AGAP1: variants seen among roughly 807,000 people sequenced by gnomAD.
The protein encoded by AGAP1 is arf-GAP with GTPase, ANK repeat and PH domain-containing protein 1.
In AGAP1, 29 loss-of-function variants were observed where a neutral mutation model predicts 105.3. The observed-to-expected ratio is 0.28, with a 90% CI of 0.21 to 0.38. The LOEUF (loss-of-function observed/expected upper bound fraction) is 0.38, where lower values mean the gene tolerates loss of function less well. Among genes scored for constraint, AGAP1 ranks in the 10% least tolerant of loss-of-function variants. AGAP1 has a pLI of 1.00. For synonymous variants in AGAP1, 509 were observed against 485.9 expected, an observed-to-expected ratio of 1.05 and a Z score of -0.63; for missense variants, 998 against 1,165.1, an observed-to-expected ratio of 0.86 and a Z score of 2.09.
chr2:235,898,481 CA>C (rs200656754), intron 10 of AGAP1, among the ~76,000 whole-genome samples: 2,923 of 107,502 alleles, frequency 0.027, 83 homozygotes, highest in African/African-American at 0.084. Flanking sequence ...TTCCCCCCCC[CA>C]CCCCCACCCC....
rs777579400 is a variant in AGAP1 at position 235,882,794 on chromosome 2, AGTTT to A, written c.1051-547_1051-544del. Among the ~76,000 whole-genome samples the A allele has an allele frequency of 4.0e-4, 61 of 151,364 alleles. 1 individual carries two copies. The Middle Eastern group carries it at 0.017, about 43-fold the overall frequency. On this transcript the variant is annotated intron_variant, in intron 9 of 17. Transcript: ENST00000304032. The surrounding 1 kb of genome is among the most constrained non-coding windows in gnomAD (Gnocchi z 4.6). ...CCGGCCTGGTTAATGCAGTTTTTTT[AGTTT>A]GTTCTTTCTTTTTCTCTTTGTCTCT...
chr2:236,054,941 C>T (rs2058011216), intron 16 of AGAP1, among the ~76,000 whole-genome samples: 1 of 152,172 alleles, frequency 6.6e-6, no homozygotes, highest in Non-Finnish European at 1.5e-5. Context: ...AAATTAAAGG[C>T]CACCCCTGTG....
rs1483881185 is a variant in AGAP1, at chr2:236,129,710, C to T, written c.*5588C>T. On this transcript the variant is annotated 3_prime_UTR_variant, in exon 18 of 18. Coordinates refer to ENST00000304032, the MANE Select transcript of AGAP1 (RefSeq NM_001037131.3). The surrounding 1 kb of genome is among the most constrained non-coding windows in gnomAD (Gnocchi z 6.2). The stretch of plus-strand genomic sequence containing the variant: ...AATAGACTGTTGAAATATTAATGGC[C>T]CCCCCATTTAATCAGTGTGTCTGCG... The T allele has an allele frequency of 6.6e-6, 1 of 152,116 alleles. No individual in the cohort carries two copies. Among genetic ancestry groups the T allele is most frequent in the Non-Finnish European group, 1.5e-5 (1 of 68,034 alleles). 9.4% of individuals were successfully genotyped at this position (152,116 alleles called of 1,614,324 possible). A position where few individuals can be genotyped will look rare whatever the true frequency, so the allele number is the denominator to read the frequency against.
In AGAP1 at chr2:235,611,445, G is replaced by T. The variant is rs1333654457; in HGVS notation, c.164-97734G>T. The stretch of plus-strand genomic sequence containing the variant: ...GTTATTGTGAAGGAGCTGATTTTTG[G>T]AGGAGTGGTTTGTCTGCAGTTGCAC... On this transcript the variant is annotated intron_variant, in intron 1 of 17. Coordinates refer to ENST00000304032, the MANE Select transcript of AGAP1 (RefSeq NM_001037131.3). This position sits in a 1 kb window ranked among gnomAD's most constrained non-coding sequence, Gnocchi z 5.0. 6.6e-6 allele frequency among the ~76,000 whole-genome samples: 1 copy of T among 152,210 alleles called. No individual in the cohort carries two copies. The highest frequency in any genetic ancestry group is 1.5e-5 in the Non-Finnish European group (1 of 68,040).
intron 1 of AGAP1, among the ~76,000 whole-genome samples, chr2:235,594,658 T>G (rs753174475): frequency 2.8e-4 from 43 of 152,074 alleles, no homozygotes; most frequent in Admixed American, 1.2e-3. Flanking sequence ...CGCTGCAACC[T>G]CCATCTTCCG....
At chr2:235,974,020 C>A (rs1478226886) in intron 13 of AGAP1, among the ~76,000 whole-genome samples, 1 of 152,186 alleles carries the variant, frequency 6.6e-6, no homozygotes, top group Non-Finnish European at 1.5e-5. Context: ...GTTGTCATTG[C>A]TAAAATGAAC....
Position 236,073,624 on chromosome 2 carries a change from C to T in AGAP1, c.2114+24343C>T, listed in dbSNP as rs530447742. On this transcript the variant is annotated intron_variant, in intron 16 of 17. Coordinates refer to ENST00000304032, the MANE Select transcript of AGAP1 (RefSeq NM_001037131.3). This position sits in a 1 kb window ranked among gnomAD's most constrained non-coding sequence, Gnocchi z 5.4. ...CACATAGAAGATAATTTATAAATACCTATAACATAACCTGAGAATGGCGAT... is the reference window on the plus strand; with the variant it reads ...CACATAGAAGATAATTTATAAATACTTATAACATAACCTGAGAATGGCGAT... 6.6e-6 allele frequency among the ~76,000 whole-genome samples: 1 copy of T among 152,248 alleles called. No individual in the cohort carries two copies. Among genetic ancestry groups the T allele is most frequent in the African/African-American group, 2.4e-5 (1 of 41,544 alleles).
chr2:236,062,378 G>A lies in AGAP1; in HGVS notation c.2114+13097G>A, dbSNP rs1304780529. Among the ~76,000 whole-genome samples, 4 of 152,166 alleles carry A rather than the reference G, an allele frequency of 2.6e-5. No individual in the cohort carries two copies. Among genetic ancestry groups the A allele is most frequent in the Non-Finnish European group, 5.9e-5 (4 of 68,028 alleles). On this transcript the variant is annotated intron_variant, in intron 16 of 17. Coordinates refer to ENST00000304032, the MANE Select transcript of AGAP1 (RefSeq NM_001037131.3). The surrounding 1 kb of genome is among the most constrained non-coding windows in gnomAD (Gnocchi z 4.2). ...AGAGGAAGCCATGGCCAGAGGGGAG[G>A]GGAGGGAGGCAGAGCCAGGCTGGTA...
rs1211775229 is a variant in AGAP1 at position 235,701,062 on chromosome 2, GCTATAATATAGTTATATGTATAT to G, written c.164-8116_164-8094del. ...ATAGTTATATGTATATATTATATAT[GCTATAATATAGTTATATGTATAT>G]ATTATATACTCTATAATATAGTTAT... On this transcript the variant is annotated intron_variant, in intron 1 of 17. Coordinates refer to ENST00000304032, the MANE Select transcript of AGAP1 (RefSeq NM_001037131.3). The surrounding 1 kb of genome is among the most constrained non-coding windows in gnomAD (Gnocchi z 4.1). 0.16 allele frequency among the ~76,000 whole-genome samples: 4,078 copies of G among 25,618 alleles called. 161 individuals carry two copies. The highest frequency in any genetic ancestry group is 0.39 in the South Asian group (360 of 932). 16.8% of individuals were successfully genotyped at this position (25,618 alleles called of 152,430 possible).
At position 235,517,013 on chromosome 2, in the gene AGAP1, G is replaced by T. The variant is rs956265586; in HGVS notation, c.163+22164G>T. On this transcript the variant is annotated intron_variant, in intron 1 of 17. Coordinates refer to ENST00000304032, the MANE Select transcript of AGAP1 (RefSeq NM_001037131.3). The surrounding 1 kb of genome is among the most constrained non-coding windows in gnomAD (Gnocchi z 4.1). The stretch of plus-strand genomic sequence containing the variant: ...CCACGTGGCTCTGGAGGGGCTTGGC[G>T]CCTACGTTAGTCAGCTCGGGCTGCC... Among the ~76,000 whole-genome samples the T allele has an allele frequency of 6.6e-6, 1 of 152,190 alleles. No individual in the cohort carries two copies. The highest frequency in any genetic ancestry group is 1.5e-5 in the Non-Finnish European group (1 of 68,038).
chr2:235,694,908 C>T (rs1435972435), intron 1 of AGAP1, among the ~76,000 whole-genome samples: 1 of 152,078 alleles, frequency 6.6e-6, no homozygotes, highest in East Asian at 1.9e-4. Context: ...CCGGCTTCTT[C>T]GCAGTTTCAC....
At chr2:235,735,240 A>G (rs1057311483) in intron 3 of AGAP1, among the ~76,000 whole-genome samples, 11 of 152,252 alleles carry the variant, frequency 7.2e-5, no homozygotes, top group South Asian at 4.1e-4. Flanking sequence ...TTTCAGTTCA[A>G]TTAGCCAAAA....
chr2:235,807,731 A>G (rs1957913185), intron 9 of AGAP1, among the ~76,000 whole-genome samples: 1 of 152,212 alleles, frequency 6.6e-6, no homozygotes, highest in Non-Finnish European at 1.5e-5. Flanking sequence ...TCACAGACGG[A>G]CATCTGAACA....
rs1358877183 is a variant in AGAP1 at position 235,908,312 on chromosome 2, T to A, written c.1156-426T>A. 6.6e-6 allele frequency among the ~76,000 whole-genome samples: 1 copy of A among 152,216 alleles called. No homozygotes were observed. Among genetic ancestry groups the A allele is most frequent in the Non-Finnish European group, 1.5e-5 (1 of 68,028 alleles). ...TTCACCAGAGAGCTTCAGTCTTATCTAGATTTTAATGATATTCCCATCTGA... is the reference window on the plus strand; with the variant it reads ...TTCACCAGAGAGCTTCAGTCTTATCAAGATTTTAATGATATTCCCATCTGA... On this transcript the variant is annotated intron_variant, in intron 10 of 17. Coordinates refer to ENST00000304032, the MANE Select transcript of AGAP1 (RefSeq NM_001037131.3). The surrounding 1 kb of genome is among the most constrained non-coding windows in gnomAD (Gnocchi z 4.4).
rs1338962700 is a variant in AGAP1 at position 235,582,965 on chromosome 2, G to A, written c.163+88116G>A. 6.6e-6 allele frequency among the ~76,000 whole-genome samples: 1 copy of A among 152,222 alleles called. No homozygotes were observed. The highest frequency in any genetic ancestry group is 2.4e-5 in the African/African-American group (1 of 41,456). On this transcript the variant is annotated intron_variant, in intron 1 of 17. Coordinates refer to ENST00000304032, the MANE Select transcript of AGAP1 (RefSeq NM_001037131.3). This position sits in a 1 kb window ranked among gnomAD's most constrained non-coding sequence, Gnocchi z 4.7. The stretch of plus-strand genomic sequence containing the variant: ...ACTCATTTTATGTTGTTGGGATTTG[G>A]CTCGGAACCTGCCAAGGACCCCTGT...
At chr2:235,783,878 A>G (rs924383848) in intron 6 of AGAP1, among the ~76,000 whole-genome samples, 1 of 152,138 alleles carries the variant, frequency 6.6e-6, no homozygotes, top group South Asian at 2.1e-4. Context: ...CAAAAAAAGA[A>G]CCTAATAGTT....
In AGAP1 at chr2:235,889,676, A is replaced by G. The variant is rs1425993499; in HGVS notation, c.1155+6227A>G. On this transcript the variant is annotated intron_variant, in intron 10 of 17. Coordinates refer to ENST00000304032, the MANE Select transcript of AGAP1 (RefSeq NM_001037131.3). This position sits in a 1 kb window ranked among gnomAD's most constrained non-coding sequence, Gnocchi z 4.6. The stretch of plus-strand genomic sequence containing the variant: ...TGTCCTTTACTTAGGACATAAGCTA[A>G]ATCTACATACCCTTCCTACACCACA... Among the ~76,000 whole-genome samples the G allele has an allele frequency of 6.6e-6, 1 of 151,932 alleles. No homozygotes were observed. Among genetic ancestry groups the G allele is most frequent in the Admixed American group, 6.6e-5 (1 of 15,254 alleles).
At chr2:235,575,945 A>C (rs1944718679) in intron 1 of AGAP1, among the ~76,000 whole-genome samples, 1 of 152,174 alleles carries the variant, frequency 6.6e-6, no homozygotes, top group Non-Finnish European at 1.5e-5. Context: ...TGTGAAAAAA[A>C]AGTGGCATTT....
At chr2:235,570,569 G>T (rs1187292700) in intron 1 of AGAP1, among the ~76,000 whole-genome samples, 2 of 152,226 alleles carry the variant, frequency 1.3e-5, no homozygotes, top group East Asian at 3.9e-4. Flanking sequence ...AGAAGCAGGT[G>T]CCCTCATCGA....
Sources: allele counts gnomAD v4.1 joint callset (sites outside exome capture counted in the v4.1 genomes callset), GRCh38; gene constraint gnomAD v4.1.1; non-coding constraint Gnocchi (gnomAD v3.1); transcripts MANE v1.5; gene names NCBI Gene and HGNC (gene_info 2026-07-23, HGNC 2026-07-21).